CSMD1: variants seen among roughly 807,000 people sequenced by gnomAD.
CSMD1 encodes CUB and Sushi multiple domains 1.
Under a neutral mutation model 417.5 loss-of-function variants are expected in CSMD1, and 213 were observed. That is an observed-to-expected ratio of 0.51 (90% confidence interval 0.46 to 0.57). The LOEUF (loss-of-function observed/expected upper bound fraction) is 0.57, where lower values mean the gene tolerates loss of function less well. Ranked by LOEUF, CSMD1 falls within the 20% of genes least tolerant of loss-of-function variation. The pLI, the probability that CSMD1 is intolerant of heterozygous loss-of-function variation, is 0.00. For missense variants in CSMD1, 6,923 were observed against 4,529.7 expected (o/e 1.53, Z -15.17); for synonymous variants, 2,862 against 1,736.8 (o/e 1.65, Z -16.11).
At chr8:3,796,844 T>C (rs943717007) in intron 5 of CSMD1, among the ~76,000 whole-genome samples, 9 of 151,650 alleles carry the variant, frequency 5.9e-5, no homozygotes, top group South Asian at 4.1e-4. Context: ...AGCTAGGCAA[T>C]TGTCAACATT....
intron 1 of CSMD1, among the ~76,000 whole-genome samples, chr8:4,656,933 G>A (rs189623917): frequency 3.0e-4 from 46 of 152,070 alleles, no homozygotes; most frequent in Admixed American, 2.6e-4. Flanking sequence ...ACTGACAAAA[G>A]GTGTTTGTCT....
intron 3 of CSMD1, among the ~76,000 whole-genome samples, chr8:4,386,083 C>T (rs1014645693): frequency 1.3e-5 from 2 of 152,122 alleles, no homozygotes; most frequent in Admixed American, 6.6e-5. Context: ...TGTGTTTGCT[C>T]TTCTCTCGCT....
chr8:3,476,364 A>C (rs1817422963), intron 11 of CSMD1, among the ~76,000 whole-genome samples: 1 of 152,204 alleles, frequency 6.6e-6, no homozygotes, highest in Admixed American at 6.5e-5. Context: ...CCTGTCAAAG[A>C]ATATTCACAA....
At chr8:4,317,200 A>C (rs1190789244) in intron 3 of CSMD1, among the ~76,000 whole-genome samples, 1 of 152,166 alleles carries the variant, frequency 6.6e-6, no homozygotes, top group Non-Finnish European at 1.5e-5. Flanking sequence ...TCAATGGGTT[A>C]TATTTTATTT....
chr8:3,921,382 T>C (rs1262418804), intron 5 of CSMD1, among the ~76,000 whole-genome samples: 2 of 152,130 alleles, frequency 1.3e-5, no homozygotes, highest in African/African-American at 4.8e-5. Flanking sequence ...ATTGTCTTTC[T>C]AGCCTCTATT....
At chr8:3,161,751 AAG>A (rs1470973768) in intron 38 of CSMD1, among the ~76,000 whole-genome samples, 2 of 152,272 alleles carry the variant, frequency 1.3e-5, no homozygotes, top group Admixed American at 6.5e-5. Flanking sequence ...ACCTAGCCCA[AAG>A]AGGGCATTAA....
intron 3 of CSMD1, among the ~76,000 whole-genome samples, chr8:4,180,934 C>A (rs981787166): frequency 6.6e-6 from 1 of 151,986 alleles, no homozygotes; most frequent in Admixed American, 6.6e-5. Flanking sequence ...CCAAAATTGC[C>A]CCACTCTGTT....
At chr8:3,230,725 G>A (rs1351369576) in intron 26 of CSMD1, among the ~76,000 whole-genome samples, 1 of 152,138 alleles carries the variant, frequency 6.6e-6, no homozygotes, top group Admixed American at 6.5e-5. Flanking sequence ...TGACCAGTGA[G>A]TTATACCCAG....
At chr8:4,560,145 T>G (rs1189134454) in intron 2 of CSMD1, among the ~76,000 whole-genome samples, 1 of 152,186 alleles carries the variant, frequency 6.6e-6, no homozygotes, top group Non-Finnish European at 1.5e-5. Flanking sequence ...AAGCAGCATA[T>G]GCTGAGAAAA....
At chr8:3,718,552 T>C (rs962801639) in intron 6 of CSMD1, among the ~76,000 whole-genome samples, 2 of 152,210 alleles carry the variant, frequency 1.3e-5, no homozygotes, top group Non-Finnish European at 2.9e-5. Context: ...AATCTTTTAA[T>C]TTAATGTCGC....
intron 62 of CSMD1, among the ~76,000 whole-genome samples, chr8:2,958,507 G>C (rs543230353): frequency 6.6e-6 from 1 of 152,348 alleles, no homozygotes; most frequent in Admixed American, 6.5e-5. Context: ...AATTTAACCA[G>C]AGGTGCCTTG....
At chr8:3,637,742 C>G (rs950951199) in intron 7 of CSMD1, among the ~76,000 whole-genome samples, 1 of 152,160 alleles carries the variant, frequency 6.6e-6, no homozygotes, top group Non-Finnish European at 1.5e-5. Flanking sequence ...TGTGTCCCCA[C>G]CCAAATCTCA....
chr8:4,787,493 AC>A, intron 1 of CSMD1: 1 of 895,762 alleles, frequency 1.1e-6, no homozygotes, highest in South Asian at 1.4e-5. Flanking sequence ...AAAGAAAATC[AC>A]CAGTTGTATT....
intron 5 of CSMD1, among the ~76,000 whole-genome samples, chr8:3,884,448 A>C (rs960762276): frequency 1.2e-4 from 18 of 152,178 alleles, no homozygotes; most frequent in African/African-American, 4.3e-4. Flanking sequence ...CAGAGAACAA[A>C]AATCTCAACT....
chr8:2,981,382 T>C (rs1315860576), intron 54 of CSMD1, among the ~76,000 whole-genome samples: 1 of 152,162 alleles, frequency 6.6e-6, no homozygotes, highest in African/African-American at 2.4e-5. Context: ...AAATGGCCAG[T>C]GAAGTTCATG....
chr8:3,152,718 C>T (rs923508215), intron 39 of CSMD1, among the ~76,000 whole-genome samples: 1 of 152,170 alleles, frequency 6.6e-6, no homozygotes, highest in African/African-American at 2.4e-5. Context: ...AAGTCTTGGA[C>T]ACCATCAACT....
At chr8:4,158,709 A>T (rs762680613) in intron 3 of CSMD1, among the ~76,000 whole-genome samples, 3 of 152,032 alleles carry the variant, frequency 2.0e-5, no homozygotes, top group Non-Finnish European at 4.4e-5. Flanking sequence ...AAACCACCCC[A>T]TTCAGTCCTT....
intron 5 of CSMD1, among the ~76,000 whole-genome samples, chr8:3,946,462 T>C (rs752475167): frequency 1.3e-5 from 2 of 152,186 alleles, no homozygotes; most frequent in Non-Finnish European, 2.9e-5. Flanking sequence ...AATCGTATTA[T>C]GTAAGTCCTC....
intron 5 of CSMD1, among the ~76,000 whole-genome samples, chr8:3,985,252 G>A (rs568386849): frequency 6.6e-6 from 1 of 152,246 alleles, no homozygotes; most frequent in South Asian, 2.1e-4. Context: ...CCCATTTCAT[G>A]CTTTACAAAT....
Sources: allele counts gnomAD v4.1 joint callset (sites outside exome capture counted in the v4.1 genomes callset), GRCh38; gene constraint gnomAD v4.1.1; transcripts MANE v1.5; gene names NCBI Gene and HGNC (gene_info 2026-07-23, HGNC 2026-07-21).